LRRC4B: variants seen among roughly 807,000 people sequenced by gnomAD.
LRRC4B encodes the protein leucine-rich repeat-containing protein 4B.
Under a neutral mutation model 7.3 loss-of-function variants are expected in LRRC4B, and 1 was observed. The ratio of observed to expected loss-of-function variants is 0.14; its 90% CI spans 0.05 to 0.65. The LOEUF is 0.65. Ranked by LOEUF, LRRC4B falls within the 30% of genes least tolerant of loss-of-function variation. The pLI, the probability that LRRC4B is intolerant of heterozygous loss-of-function variation, is 0.84. For missense variants in LRRC4B, 730 were observed against 1,041.6 expected (o/e 0.70, Z 4.12); for synonymous variants, 500 against 499.2 (o/e 1.00, Z -0.02).
At chr19:50,543,109 G>A (rs1023955783) in intron 2 of LRRC4B, among the ~76,000 whole-genome samples, 1 of 151,954 alleles carries the variant, frequency 6.6e-6, no homozygotes, top group Non-Finnish European at 1.5e-5. Context: ...GCAGGAGTTC[G>A]GGAGCTGGCC....
At chr19:50,529,048 C>G (rs1244615775) in intron 2 of LRRC4B, among the ~76,000 whole-genome samples, 2 of 152,156 alleles carry the variant, frequency 1.3e-5, no homozygotes, top group Non-Finnish European at 2.9e-5. Flanking sequence ...CTCTAAAACT[C>G]CCCCCTCTGC....
chr19:50,566,176 G>A (rs1982621482), intron 1 of LRRC4B, among the ~76,000 whole-genome samples: 1 of 127,540 alleles, frequency 7.8e-6, no homozygotes, highest in Non-Finnish European at 1.6e-5. Context: ...GGGAGGTGCG[G>A]TCCTGGCCGC....
intron 2 of LRRC4B, among the ~76,000 whole-genome samples, chr19:50,529,883 C>G (rs73591019): frequency 0.15 from 23,441 of 151,958 alleles, 1,953 homozygotes; most frequent in African/African-American, 0.19. Flanking sequence ...TTCCCCCTCT[C>G]TGGGTTACAC....
At chr19:50,530,766 C>T (rs1201426973) in intron 2 of LRRC4B, among the ~76,000 whole-genome samples, 2 of 149,350 alleles carry the variant, frequency 1.3e-5, no homozygotes, top group African/African-American at 2.5e-5. Flanking sequence ...GATGGAGTTT[C>T]GCTGTTTTCA....
At chr19:50,562,117 CAAAA>C (rs11333930) in intron 1 of LRRC4B, among the ~76,000 whole-genome samples, 2,735 of 130,338 alleles carry the variant, frequency 0.021, 97 homozygotes, top group African/African-American at 0.071. Context: ...GACCCTGTCT[CAAAA>C]AAAAAAAAAA....
intron 1 of LRRC4B, among the ~76,000 whole-genome samples, chr19:50,550,098 C>T (rs1006191502): frequency 2.0e-5 from 3 of 152,146 alleles, no homozygotes; most frequent in African/African-American, 4.8e-5. Context: ...AACTGTATCC[C>T]GGTCATCTCA....
At chr19:50,554,235 T>C (rs1352620307) in intron 1 of LRRC4B, among the ~76,000 whole-genome samples, 1 of 152,072 alleles carries the variant, frequency 6.6e-6, no homozygotes, top group African/African-American at 2.4e-5. Context: ...CCTCCAGTGA[T>C]CCACCTGCCT....
intron 2 of LRRC4B, among the ~76,000 whole-genome samples, chr19:50,547,153 A>G (rs1343940672): frequency 6.6e-6 from 1 of 152,156 alleles, no homozygotes; most frequent in African/African-American, 2.4e-5. Flanking sequence ...GCAACTAGGG[A>G]GATGCAGGGC....
At chr19:50,536,374 G>A (rs543767922) in intron 2 of LRRC4B, among the ~76,000 whole-genome samples, 3 of 152,224 alleles carry the variant, frequency 2.0e-5, no homozygotes, top group African/African-American at 7.2e-5. Flanking sequence ...CCTCAAGTGA[G>A]CACCCGCCTC....
rs144431043 is a variant in LRRC4B at position 50,563,405 on chromosome 19, C to T, written c.-36+4539G>A. 2.0e-5 allele frequency among the ~76,000 whole-genome samples: 3 copies of T among 152,266 alleles called. No individual in the cohort carries two copies. The highest frequency in any genetic ancestry group is 7.2e-5 in the African/African-American group (3 of 41,556). On this transcript the variant is annotated intron_variant, in intron 1 of 2. Transcript: ENST00000652263. The surrounding 1 kb of genome is among the most constrained non-coding windows in gnomAD (Gnocchi z 4.9). ...TCAGAGTTAATGAGGTTTCCCGTAC[C>T]CCACCAGAGAGGACACAAAGACGTG... is the stretch of plus-strand genomic sequence containing the variant.
chr19:50,541,032 A>C (rs1298817729), intron 2 of LRRC4B, among the ~76,000 whole-genome samples: 1 of 151,436 alleles, frequency 6.6e-6, no homozygotes, highest in African/African-American at 2.4e-5. Flanking sequence ...AAATACAAAA[A>C]AAGTAGCCGG....
intron 2 of LRRC4B, among the ~76,000 whole-genome samples, chr19:50,534,393 G>T (rs147365711): frequency 2.0e-5 from 3 of 152,036 alleles, no homozygotes; most frequent in Non-Finnish European, 2.9e-5. Context: ...GGTTCTTGAC[G>T]CAGGTAAATC....
chr19:50,525,966 G>A (rs1980792868), intron 2 of LRRC4B, among the ~76,000 whole-genome samples: 1 of 152,162 alleles, frequency 6.6e-6, no homozygotes, highest in Admixed American at 6.5e-5. Context: ...GTTGCGGTGA[G>A]CCGAGATAAC....
intron 1 of LRRC4B, among the ~76,000 whole-genome samples, chr19:50,567,529 G>T (rs1239984677): frequency 1.1e-4 from 16 of 150,832 alleles, no homozygotes; most frequent in Admixed American, 9.9e-4. Flanking sequence ...CCAAGCAGCA[G>T]CGGTGTGGAG....
intron 2 of LRRC4B, among the ~76,000 whole-genome samples, chr19:50,521,245 G>A (rs186321001): frequency 2.9e-4 from 44 of 152,196 alleles, no homozygotes; most frequent in Non-Finnish European, 5.7e-4. Flanking sequence ...CTAAGTGTGC[G>A]TCTCTGCGTG....
intron 1 of LRRC4B, among the ~76,000 whole-genome samples, chr19:50,551,207 C>T (rs1317870590): frequency 3.3e-5 from 5 of 151,968 alleles, no homozygotes; most frequent in South Asian, 2.1e-4. Flanking sequence ...GCTTGGCTTC[C>T]GCTGGGCCTC....
intron 2 of LRRC4B, among the ~76,000 whole-genome samples, chr19:50,544,388 T>C (rs1477368394): frequency 1.3e-5 from 2 of 151,456 alleles, no homozygotes; most frequent in African/African-American, 4.9e-5. Context: ...GCACCTGTAG[T>C]CCCAGCTACT....
At chr19:50,542,274 T>TC (rs1244376996) in intron 2 of LRRC4B, among the ~76,000 whole-genome samples, 2 of 151,730 alleles carry the variant, frequency 1.3e-5, no homozygotes, top group African/African-American at 4.8e-5. Context: ...TGGTGCACCT[T>TC]CCCCCCAGGT....
intron 2 of LRRC4B, among the ~76,000 whole-genome samples, chr19:50,522,990 G>T (rs1243157145): frequency 6.6e-6 from 1 of 152,246 alleles, no homozygotes; most frequent in Non-Finnish European, 1.5e-5. Context: ...CTTGCCCAAG[G>T]TCACACAGAA....
Sources: allele counts gnomAD v4.1 joint callset (sites outside exome capture counted in the v4.1 genomes callset), GRCh38; gene constraint gnomAD v4.1.1; non-coding constraint Gnocchi (gnomAD v3.1); transcripts MANE v1.5; gene names NCBI Gene and HGNC (gene_info 2026-07-23, HGNC 2026-07-21).